The following S100A9 variants were observed in gnomAD, a reference collection of about 807,000 sequenced individuals.
The protein encoded by S100A9 is protein S100-A9.
In S100A9, 2 loss-of-function variants were observed where a neutral mutation model predicts 4.3. The observed-to-expected ratio is 0.47, with a 90% confidence interval of 0.19 to 1.48. S100A9 has a LOEUF of 1.48. S100A9 is among the 40% of genes most tolerant of loss of function. The pLI is 0.24. For synonymous variants in S100A9, 67 were observed against 54.0 expected (o/e 1.24, Z -1.06); for missense variants, 130 against 144.4 (o/e 0.90, Z 0.51).
rs2916195 is a variant in S100A9, at chr1:153,358,506, G to A, written c.150+73G>A. 2,477 of 1,222,578 alleles carry A rather than the reference G, an allele frequency of 2.0e-3. 31 individuals are homozygous for A. In the African/African-American group the frequency reaches 0.033, roughly 16 times the overall value. The allele number at this position is 1,222,578 out of a possible 1,614,324, so 75.7% of individuals were successfully genotyped here. ...GTTGACAAGGGAGGATGGGAGTATG[G>A]GCTACAGCAATCAAGGGGAAGATTT... On this transcript the variant is annotated intron_variant, in intron 2 of 2. Coordinates refer to ENST00000368738, the MANE Select transcript of S100A9 (RefSeq NM_002965.4).
At chr1:153,360,504 G>A in intron 2 of S100A9, 140 bp from the exon 3 acceptor site, 1 of 614,362 alleles carries the variant, frequency 1.6e-6, no homozygotes, top group Non-Finnish European at 2.9e-6. Context: ...TGCGCACTCA[G>A]CCTATGGTCA....
Position 153,360,835 on chromosome 1 carries a change from C to T in S100A9, c.342C>T (p.Pro114=). ...HHKPGLGEGT[P] ...AGCCAGGCCTCGGGGAGGGCACCCC[C>T]TAAGACCACAGTGGCCAAGATCACA... The change falls in exon 3 of 3, where the codon CCC becomes CCT. Residue 114 remains proline (P), a synonymous_variant. Coordinates refer to ENST00000368738, the MANE Select transcript of S100A9 (RefSeq NM_002965.4). 1 of 1,598,624 alleles carries T rather than the reference C, an allele frequency of 6.3e-7. No homozygotes were observed. Among genetic ancestry groups the T allele is most frequent in the Non-Finnish European group, 8.5e-7 (1 of 1,171,672 alleles).
chr1:153,360,176 G>A (rs1336255320), intron 2 of S100A9, among the ~76,000 whole-genome samples: 2 of 152,164 alleles, frequency 1.3e-5, no homozygotes, highest in South Asian at 4.1e-4. Context: ...GGAGTGAAGT[G>A]CAGAGGGGTA....
intron 2 of S100A9, 27 bp downstream of exon 2, chr1:153,358,460 C>G (rs904903267): frequency 6.5e-7 from 1 of 1,544,556 alleles, no homozygotes; most frequent in African/African-American, 1.4e-5. Context: ...GCAGGTCTGA[C>G]CCAGCCTCAC....
Position 153,360,859 on chromosome 1 carries a change from C to T in S100A9, c.*21C>T, listed in dbSNP as rs375777636. ...CCTAAGACCACAGTGGCCAAGATCA[C>T]AGTGGCCACGGCCACGGCCACAGTC... On this transcript the variant is annotated 3_prime_UTR_variant, in exon 3 of 3. Coordinates refer to ENST00000368738, the MANE Select transcript of S100A9 (RefSeq NM_002965.4). 37 of 1,550,978 alleles carry T rather than the reference C, an allele frequency of 2.4e-5. No individual in the cohort carries two copies. The highest frequency in any genetic ancestry group is 3.2e-5 in the Non-Finnish European group (36 of 1,142,468).
rs34039196 is a variant in S100A9 at position 153,359,680 on chromosome 1, C to CTT, written c.151-940_151-939dup. Among the ~76,000 whole-genome samples the CTT allele has an allele frequency of 6.0e-3, 500 of 83,822 alleles. 1 individual carries two copies. The highest frequency in any genetic ancestry group is 7.7e-3 in the Non-Finnish European group (335 of 43,392). 55.0% of individuals were successfully genotyped at this position (83,822 alleles called of 152,430 possible). On this transcript the variant is annotated intron_variant, in intron 2 of 2. Transcript: ENST00000368738. ...TCTTCCACCTCCCCTGATGTCTCTC[C>CTT]TTTTTTTTTTTTTTTTTTTTTTTTT...
intron 2 of S100A9, among the ~76,000 whole-genome samples, chr1:153,358,840 G>A (rs1571153586): frequency 6.6e-6 from 1 of 152,182 alleles, no homozygotes; most frequent in East Asian, 1.9e-4. Flanking sequence ...TGACCAGTTA[G>A]GGTACATGAG....
At position 153,359,542 on chromosome 1, in the gene S100A9, G is replaced by C. The variant is rs531119635; in HGVS notation, c.151-1102G>C. Among the ~76,000 whole-genome samples the C allele has an allele frequency of 2.0e-5, 3 of 152,078 alleles. No individual in the cohort carries two copies. The East Asian group carries it at 5.8e-4, about 29-fold the overall frequency. ...GGATGGGCTGCACAGGAGAGTGCTC[G>C]CATTGGCTGGGTACCCCACAGGTTC... On this transcript the variant is annotated intron_variant, in intron 2 of 2. Coordinates refer to ENST00000368738, the MANE Select transcript of S100A9 (RefSeq NM_002965.4).
intron 2 of S100A9, among the ~76,000 whole-genome samples, chr1:153,359,507 A>C (rs1661407178): frequency 6.6e-6 from 1 of 151,956 alleles, no homozygotes; most frequent in African/African-American, 2.4e-5. Context: ...GAAAGGAAGC[A>C]GAGCCTCATG....
chr1:153,360,825 A>G lies in S100A9; in HGVS notation c.332A>G (p.Glu111Gly). Residue 111 changes from glutamate (E) to glycine (G), a missense_variant, in exon 3 of 3, where the codon GAG becomes GGG. Transcript: ENST00000368738. The part of the protein sequence containing the change: ...PGHHHKPGLG[E>G]GTP ...CACCACCATAAGCCAGGCCTCGGGG[A>G]GGGCACCCCCTAAGACCACAGTGGC... 6.2e-7 allele frequency: 1 copy of G among 1,607,716 alleles called. No individual in the cohort carries two copies. The highest frequency in any genetic ancestry group is 8.5e-7 in the Non-Finnish European group (1 of 1,176,624).
intron 2 of S100A9, among the ~76,000 whole-genome samples, chr1:153,359,867 T>G (rs886323591): frequency 6.6e-6 from 1 of 151,970 alleles, no homozygotes; most frequent in African/African-American, 2.4e-5. Flanking sequence ...TTTGTTATTT[T>G]TTGTAGAGAC....
At chr1:153,359,680 CTTTTTTTT>C (rs34039196) in intron 2 of S100A9, among the ~76,000 whole-genome samples, 87 of 83,912 alleles carry the variant, frequency 1.0e-3, no homozygotes, top group African/African-American at 4.0e-3. Context: ...GATGTCTCTC[CTTTTTTTT>C]TTTTTTTTTT....
At position 153,360,901 on chromosome 1, in the gene S100A9, C is replaced by T. The variant is rs1192371614; in HGVS notation, c.*63C>T. The T allele has an allele frequency of 3.0e-6, 4 of 1,327,164 alleles. No individual in the cohort carries two copies. The East Asian group carries it at 1.0e-4, about 34-fold the overall frequency. 82.2% of individuals were successfully genotyped at this position (1,327,164 alleles called of 1,614,324 possible). A position where few individuals can be genotyped will look rare whatever the true frequency, so the allele number is the denominator to read the frequency against. On this transcript the variant is annotated 3_prime_UTR_variant, in exon 3 of 3. Transcript: ENST00000368738. ...GCCACAGTCATGGTGGCCACGGCCA[C>T]AGCCACTAATCAGGAGGCCAGGCCA... is the stretch of plus-strand genomic sequence containing the variant.
intron 2 of S100A9, among the ~76,000 whole-genome samples, chr1:153,358,786 G>A (rs1362655049): frequency 6.6e-6 from 1 of 152,184 alleles, no homozygotes; most frequent in Non-Finnish European, 1.5e-5. Flanking sequence ...GGAAGAAAAT[G>A]AGATAGAGTG....
At chr1:153,360,519 T>A in intron 2 of S100A9, 125 bp from the exon 3 acceptor site, 1 of 651,682 alleles carries the variant, frequency 1.5e-6, no homozygotes, top group Admixed American at 2.8e-5. Flanking sequence ...TGGTCATTTT[T>A]AATTTTTAAA....
rs550660109 is a variant in S100A9, at chr1:153,360,519, T to C, written c.151-125T>C. ...TGCGCACTCAGCCTATGGTCATTTT[T>C]AATTTTTAAATCCAGCCCCAGGGTG... On this transcript the variant is annotated intron_variant, in intron 2 of 2. Transcript: ENST00000368738. 3.4e-4 allele frequency: 224 copies of C among 651,682 alleles called. 1 individual carries two copies. In the East Asian group the frequency reaches 5.9e-3, roughly 17 times the overall value. The allele number at this position is 651,682 out of a possible 1,614,324, so 40.4% of individuals were successfully genotyped here.
rs11544410 is a variant in S100A9, at chr1:153,360,842, C to G, written c.*4C>G. 6.3e-7 allele frequency: 1 copy of G among 1,587,800 alleles called. No homozygotes were observed. The highest frequency in any genetic ancestry group is 1.4e-5 in the African/African-American group (1 of 73,520). On this transcript the variant is annotated 3_prime_UTR_variant, in exon 3 of 3. Transcript: ENST00000368738. ...CCTCGGGGAGGGCACCCCCTAAGAC[C>G]ACAGTGGCCAAGATCACAGTGGCCA...
intron 2 of S100A9, 113 bp downstream of exon 2, chr1:153,358,546 C>A: frequency 2.4e-6 from 2 of 839,784 alleles, no homozygotes; most frequent in Non-Finnish European, 1.8e-6. Flanking sequence ...TCCTGGAGCC[C>A]AGCCCCAAGA....
At chr1:153,359,317 A>G (rs1661401997) in intron 2 of S100A9, among the ~76,000 whole-genome samples, 1 of 151,652 alleles carries the variant, frequency 6.6e-6, no homozygotes, top group African/African-American at 2.4e-5. Flanking sequence ...CAGCCTTCAG[A>G]GTTAGGGGCC....
Sources: gnomAD v4.1 joint callset for allele counts (sites outside exome capture counted in the v4.1 genomes callset) on GRCh38, gnomAD v4.1.1 for gene constraint, MANE v1.5 for transcripts, NCBI Gene and HGNC (gene_info 2026-07-23, HGNC 2026-07-21) for gene names.